The following MACROD2 variants were observed in gnomAD, a reference collection of about 807,000 sequenced individuals.
MACROD2 encodes mono-ADP ribosylhydrolase 2, also known as ADP-ribose glycohydrolase MACROD2.
A neutral mutation model predicts 70.4 loss-of-function variants in MACROD2; 36 were observed. The ratio of observed to expected loss-of-function variants is 0.51; its 90% confidence interval spans 0.39 to 0.68. The LOEUF (loss-of-function observed/expected upper bound fraction) is 0.68. Among genes scored for constraint, MACROD2 ranks in the 30% least tolerant of loss-of-function variants. MACROD2 has a pLI of 0.00. For missense variants in MACROD2, 496 were observed against 538.4 expected (o/e 0.92, Z 0.78); for synonymous variants, 172 against 178.8 (o/e 0.96, Z 0.30).
At chr20:14,331,650 C>T (rs942464718) in intron 3 of MACROD2, among the ~76,000 whole-genome samples, 13 of 152,074 alleles carry the variant, frequency 8.5e-5, no homozygotes, top group East Asian at 1.9e-4. Flanking sequence ...TGTTTAACTA[C>T]GTTTTATATC....
intron 5 of MACROD2, among the ~76,000 whole-genome samples, chr20:15,018,440 AT>A (rs2075138355): frequency 6.6e-6 from 1 of 152,010 alleles, no homozygotes; most frequent in Admixed American, 6.5e-5. Context: ...ATTTTCCCAC[AT>A]TTTCCCATCT....
chr20:15,349,845 G>A (rs557176494), intron 6 of MACROD2, among the ~76,000 whole-genome samples: 77 of 151,722 alleles, frequency 5.1e-4, no homozygotes, highest in South Asian at 2.9e-3. Flanking sequence ...AGAAACTTTC[G>A]AAGAATCTGT....
chr20:15,893,770 A>G, intron 10 of MACROD2: 1 of 456,712 alleles, frequency 2.2e-6, no homozygotes, highest in Non-Finnish European at 4.4e-6. Flanking sequence ...TCCACTGGGA[A>G]ATGAAGAGTG....
At chr20:15,637,835 T>C (rs2049394609) in intron 8 of MACROD2, among the ~76,000 whole-genome samples, 1 of 152,218 alleles carries the variant, frequency 6.6e-6, no homozygotes, top group Non-Finnish European at 1.5e-5. Context: ...ATCTCATTCA[T>C]TATTTTTAAG....
intron 17 of MACROD2, among the ~76,000 whole-genome samples, chr20:16,045,780 A>G (rs2067371441): frequency 6.6e-6 from 1 of 152,122 alleles, no homozygotes; most frequent in Non-Finnish European, 1.5e-5. Context: ...CTGCATGAAG[A>G]GATGAGCAAA....
chr20:14,049,405 G>A (rs1478568311), intron 2 of MACROD2, among the ~76,000 whole-genome samples: 1 of 151,908 alleles, frequency 6.6e-6, no homozygotes, highest in Non-Finnish European at 1.5e-5. Flanking sequence ...GAACTGGAGT[G>A]GAGGGGAGGT....
At chr20:15,438,467 A>T (rs948984884) in intron 7 of MACROD2, among the ~76,000 whole-genome samples, 2 of 152,064 alleles carry the variant, frequency 1.3e-5, no homozygotes, top group Non-Finnish European at 2.9e-5. Flanking sequence ...TGTTGGCCAC[A>T]TGTATGTCTT....
intron 8 of MACROD2, among the ~76,000 whole-genome samples, chr20:15,583,017 T>C (rs987562894): frequency 2.6e-5 from 4 of 151,862 alleles, no homozygotes; most frequent in African/African-American, 7.3e-5. Context: ...GGCAAAAATA[T>C]GATTTCTTGA....
At chr20:15,333,176 A>C (rs969995836) in intron 6 of MACROD2, among the ~76,000 whole-genome samples, 1 of 151,586 alleles carries the variant, frequency 6.6e-6, no homozygotes, top group African/African-American at 2.4e-5. Context: ...TCTTCTTAGA[A>C]GTGCAAAATT....
chr20:15,703,705 T>TA (rs1211358660), intron 8 of MACROD2, among the ~76,000 whole-genome samples: 1 of 152,182 alleles, frequency 6.6e-6, no homozygotes, highest in Non-Finnish European at 1.5e-5. Flanking sequence ...AAGTTGCACT[T>TA]ACAATGCTGA....
intron 5 of MACROD2, among the ~76,000 whole-genome samples, chr20:15,012,891 G>T (rs2075093999): frequency 6.6e-6 from 1 of 152,120 alleles, no homozygotes; most frequent in Non-Finnish European, 1.5e-5. Flanking sequence ...ATGACCCCTT[G>T]GAAGGCTGTA....
chr20:14,446,947 G>T (rs927187332), intron 3 of MACROD2, among the ~76,000 whole-genome samples: 1 of 151,912 alleles, frequency 6.6e-6, no homozygotes, highest in African/African-American at 2.4e-5. Context: ...TAGTTTTATC[G>T]GAGCCACCAA....
chr20:14,869,743 T>G (rs1343459173), intron 5 of MACROD2, among the ~76,000 whole-genome samples: 2 of 152,152 alleles, frequency 1.3e-5, no homozygotes, highest in East Asian at 3.8e-4. Flanking sequence ...GTATCTGCCA[T>G]TTGCATAAAT....
chr20:15,277,168 G>T (rs899843305), intron 6 of MACROD2, among the ~76,000 whole-genome samples: 2 of 152,150 alleles, frequency 1.3e-5, no homozygotes, highest in African/African-American at 4.8e-5. Flanking sequence ...CAAGATGGCT[G>T]CCATAGTTCC....
chr20:15,375,757 TATC>T (rs1306463399), intron 6 of MACROD2, among the ~76,000 whole-genome samples: 2 of 152,214 alleles, frequency 1.3e-5, no homozygotes. Context: ...TTAATTAAAT[TATC>T]ATAATGCTAT....
intron 9 of MACROD2, among the ~76,000 whole-genome samples, chr20:15,869,712 A>T (rs1161287997): frequency 6.6e-6 from 1 of 152,062 alleles, no homozygotes; most frequent in Non-Finnish European, 1.5e-5. Flanking sequence ...TTAAATACAG[A>T]TTTTCTTTTT....
At chr20:15,636,130 A>G (rs1247189305) in intron 8 of MACROD2, among the ~76,000 whole-genome samples, 3 of 87,990 alleles carry the variant, frequency 3.4e-5, no homozygotes, top group East Asian at 3.7e-4. Flanking sequence ...GAAAAAGAGG[A>G]AAAAAAAAAG....
At chr20:14,931,951 A>C (rs773666829) in intron 5 of MACROD2, among the ~76,000 whole-genome samples, 1 of 150,762 alleles carries the variant, frequency 6.6e-6, no homozygotes, top group Non-Finnish European at 1.5e-5. Flanking sequence ...GCAGTGAGCT[A>C]TGAATGTACC....
intron 8 of MACROD2, among the ~76,000 whole-genome samples, chr20:15,609,863 AG>A (rs2048943550): frequency 6.6e-6 from 1 of 152,172 alleles, no homozygotes; most frequent in Non-Finnish European, 1.5e-5. Flanking sequence ...CAGCCCTCTC[AG>A]GGGATACAGA....
Sources: gnomAD v4.1 joint callset for allele counts (sites outside exome capture counted in the v4.1 genomes callset) on GRCh38, gnomAD v4.1.1 for gene constraint, MANE v1.5 for transcripts, NCBI Gene and HGNC (gene_info 2026-07-23, HGNC 2026-07-21) for gene names.